Variants in KIF6 observed in about 807,000 individuals in gnomAD.
The protein encoded by KIF6 is kinesin-like protein KIF6.
A neutral mutation model predicts 112.7 loss-of-function variants in KIF6; 106 were observed. The observed-to-expected ratio is 0.94, with a 90% confidence interval of 0.80 to 1.11. The LOEUF (loss-of-function observed/expected upper bound fraction) is 1.11, where lower values mean the gene tolerates loss of function less well. KIF6 is among the 50% of genes least tolerant of loss of function. The probability of loss-of-function intolerance (pLI) is 0.00; values close to 1 mark genes in which losing one functional copy is unlikely to be tolerated. For missense variants in KIF6, 929 were observed against 964.0 expected, an observed-to-expected ratio of 0.96 and a Z score of 0.48; for synonymous variants, 339 against 339.9, an observed-to-expected ratio of 1.00 and a Z score of 0.03.
chr6:39,346,643 TTTTC>T, intron 19 of KIF6, 117 bp from the exon 20 acceptor site: 1 of 537,438 alleles, frequency 1.9e-6, no homozygotes, highest in East Asian at 3.0e-5. Context: ...TACACAGTAA[TTTTC>T]TTTTTTTCTT....
chr6:39,538,089 T>C (rs1161199914), intron 13 of KIF6, among the ~76,000 whole-genome samples: 2 of 152,272 alleles, frequency 1.3e-5, no homozygotes, highest in South Asian at 2.1e-4. Context: ...AAGACTTAAA[T>C]GTTAGACCTA....
At chr6:39,349,619 T>C (rs575898076) in intron 19 of KIF6, among the ~76,000 whole-genome samples, 37 of 147,542 alleles carry the variant, frequency 2.5e-4, no homozygotes, top group African/African-American at 7.3e-4. Context: ...GGTCTAGGTT[T>C]AATTTGTGGC....
intron 13 of KIF6, among the ~76,000 whole-genome samples, chr6:39,494,275 G>T (rs1775642374): frequency 6.6e-6 from 1 of 152,184 alleles, no homozygotes; most frequent in African/African-American, 2.4e-5. Flanking sequence ...CACTCATTTA[G>T]TTAGCTAAAT....
At chr6:39,353,320 A>G (rs1397577955) in intron 19 of KIF6, among the ~76,000 whole-genome samples, 2 of 152,322 alleles carry the variant, frequency 1.3e-5, no homozygotes, top group South Asian at 4.1e-4. Flanking sequence ...TCCCTGTGTG[A>G]CACAGGATGT....
rs1762823116 is a variant in KIF6, at chr6:39,333,861, T to C, written c.*2671A>G. On this transcript the variant is annotated 3_prime_UTR_variant, in exon 23 of 23. Transcript: ENST00000287152. ...CTAGGCTGCTTTCCAGAAAATGTTT[T>C]TGAAAATCCCACATTTTGGCCTAGA... The C allele has an allele frequency of 6.6e-6, 1 of 152,226 alleles. No individual in the cohort carries two copies. Among genetic ancestry groups the C allele is most frequent in the Non-Finnish European group, 1.5e-5 (1 of 68,042 alleles). 9.4% of individuals were successfully genotyped at this position (152,226 alleles called of 1,614,324 possible).
intron 16 of KIF6, among the ~76,000 whole-genome samples, chr6:39,379,467 T>G (rs4711597): frequency 0.41 from 61,780 of 152,108 alleles, 14,733 homozygotes; most frequent in Non-Finnish European, 0.52. Flanking sequence ...CCACCTTTCC[T>G]GGAGCTTACA....
At chr6:39,659,611 A>T (rs1231498195) in intron 3 of KIF6, among the ~76,000 whole-genome samples, 2 of 152,156 alleles carry the variant, frequency 1.3e-5, no homozygotes, top group Non-Finnish European at 2.9e-5. Flanking sequence ...TATGACAGTG[A>T]ATGAGTTCTC....
At chr6:39,444,022 T>C (rs1253515094) in intron 13 of KIF6, among the ~76,000 whole-genome samples, 1 of 152,226 alleles carries the variant, frequency 6.6e-6, no homozygotes, top group African/African-American at 2.4e-5. Context: ...TTGGTAGTGG[T>C]GGAAAGCTGA....
intron 14 of KIF6, among the ~76,000 whole-genome samples, chr6:39,425,824 G>A (rs550202436): frequency 6.6e-6 from 1 of 151,234 alleles, no homozygotes; most frequent in East Asian, 1.9e-4. Context: ...AAATCATAAG[G>A]GTTAAAATGA....
At chr6:39,357,848 G>A (rs1248703669) in intron 18 of KIF6, among the ~76,000 whole-genome samples, 1 of 152,102 alleles carries the variant, frequency 6.6e-6, no homozygotes, top group African/African-American at 2.4e-5. Context: ...CCATAATGAT[G>A]GCTTCAACAT....
intron 10 of KIF6, among the ~76,000 whole-genome samples, chr6:39,562,595 G>T (rs111848216): frequency 0.022 from 3,318 of 152,142 alleles, 59 homozygotes; most frequent in Non-Finnish European, 0.032. Flanking sequence ...ATGGCTCAGG[G>T]GTCACAAAAG....
intron 13 of KIF6, among the ~76,000 whole-genome samples, chr6:39,521,841 C>T (rs778652018): frequency 3.9e-5 from 6 of 152,134 alleles, no homozygotes; most frequent in Non-Finnish European, 8.8e-5. Context: ...CAGGCCTGTA[C>T]CCTCAAGGAT....
Position 39,343,890 on chromosome 6 carries a change from C to G in KIF6, c.2322-75G>C. On this transcript the variant is annotated intron_variant, in intron 21 of 22. Transcript: ENST00000287152. The surrounding 1 kb of genome is among the most constrained non-coding windows in gnomAD (Gnocchi z 4.1). ...CCACTTATATTTCCAAAATGCTTTT[C>G]CATTTTAGGTGACTGATCTCACTCA... 1.2e-6 allele frequency: 1 copy of G among 839,140 alleles called. No homozygotes were observed. Among genetic ancestry groups the G allele is most frequent in the Non-Finnish European group, 1.9e-6 (1 of 534,774 alleles). 52.0% of individuals were successfully genotyped at this position (839,140 alleles called of 1,614,324 possible).
chr6:39,362,361 TG>T, intron 17 of KIF6, 72 bp downstream of exon 17: 1 of 1,148,592 alleles, frequency 8.7e-7, no homozygotes, highest in Non-Finnish European at 1.3e-6. Flanking sequence ...GCTGCAGCCC[TG>T]GGAAGCTCCA....
rs905934703 is a variant in KIF6, at chr6:39,377,398, G to C, written c.1861+8224C>G. ...CCCGGTTTCAGTTCAGTCTCAATCA[G>C]TGGCTCCTCTCCATATCCTTGGATT... On this transcript the variant is annotated intron_variant, in intron 16 of 22. Transcript: ENST00000287152. Among the ~76,000 whole-genome samples, 17 of 131,318 alleles carry C rather than the reference G, an allele frequency of 1.3e-4. No homozygotes were observed. The Admixed American group carries it at 1.5e-3, about 12-fold the overall frequency. The allele number at this position is 131,318 out of a possible 152,430, so 86.1% of individuals were successfully genotyped here.
chr6:39,492,738 CTTA>C (rs1466168635), intron 13 of KIF6, among the ~76,000 whole-genome samples: 1 of 152,124 alleles, frequency 6.6e-6, no homozygotes, highest in Non-Finnish European at 1.5e-5. Context: ...GGGGTGGTAA[CTTA>C]TATCTGTAGG....
At chr6:39,577,472 T>C (rs1781034906) in intron 10 of KIF6, among the ~76,000 whole-genome samples, 2 of 152,238 alleles carry the variant, frequency 1.3e-5, no homozygotes, top group South Asian at 2.1e-4. Context: ...AAGCCCACTG[T>C]GATCAGAGAG....
At chr6:39,434,590 A>C (rs9357305) in intron 13 of KIF6, among the ~76,000 whole-genome samples, 15 of 151,854 alleles carry the variant, frequency 9.9e-5, no homozygotes, top group East Asian at 1.9e-4. Context: ...CAAAACAAAA[A>C]AACAAAACAA....
chr6:39,442,987 A>G (rs193076567), intron 13 of KIF6, among the ~76,000 whole-genome samples: 4,002 of 151,594 alleles, frequency 0.026, 189 homozygotes, highest in African/African-American at 0.087. Flanking sequence ...GGTGGCGGGC[A>G]CCTGTAGTCC....
Sources: gnomAD v4.1 joint callset for allele counts (sites outside exome capture counted in the v4.1 genomes callset) on GRCh38, gnomAD v4.1.1 for gene constraint, Gnocchi (gnomAD v3.1) non-coding constraint, MANE v1.5 for transcripts, NCBI Gene and HGNC (gene_info 2026-07-23, HGNC 2026-07-21) for gene names.